The following CXXC1 variants were observed in gnomAD, a reference collection of about 807,000 sequenced individuals.
CXXC1 encodes CXXC-type zinc finger protein 1.
A neutral mutation model predicts 83.6 loss-of-function variants in CXXC1; 21 were observed. The ratio of observed to expected loss-of-function variants is 0.25; its 90% CI spans 0.18 to 0.36. The LOEUF (loss-of-function observed/expected upper bound fraction) is 0.36. Among genes scored for constraint, CXXC1 ranks in the 10% least tolerant of loss-of-function variants. The probability of loss-of-function intolerance (pLI) is 1.00; values close to 1 mark genes in which losing one functional copy is unlikely to be tolerated. For synonymous variants in CXXC1, 371 were observed against 337.5 expected (o/e 1.10, Z -1.09); for missense variants, 688 against 919.5 (o/e 0.75, Z 3.26).
At chr18:50,287,404 G>GC (rs768759886) in intron 1 of CXXC1, 183 bp downstream of exon 1, 18 of 672,968 alleles carry the variant, frequency 2.7e-5, no homozygotes, top group South Asian at 2.1e-4. Flanking sequence ...CTATTAAGGA[G>GC]CCCCCCACCG....
Position 50,285,421 on chromosome 18 carries a change from C to A in CXXC1, c.640-70G>T. 5 of 1,521,138 alleles carry A rather than the reference C, an allele frequency of 3.3e-6. No individual in the cohort carries two copies. The highest frequency in any genetic ancestry group is 4.4e-6 in the Non-Finnish European group (5 of 1,135,440). The allele number at this position is 1,521,138 out of a possible 1,614,324, so 94.2% of individuals were successfully genotyped here. ...AGGGCGGCCTTGCCCTAGCCCTACC[C>A]ACCTGGCCTGGCCTTACCTCCCCAG... is the stretch of plus-strand genomic sequence containing the variant. On this transcript the variant is annotated intron_variant, in intron 5 of 14. Transcript: ENST00000285106. The surrounding 1 kb of genome is among the most constrained non-coding windows in gnomAD (Gnocchi z 4.4).
rs749945152 is a variant in CXXC1, at chr18:50,285,282, C to A, written c.667-35G>T. 1 of 1,611,872 alleles carries A rather than the reference C, an allele frequency of 6.2e-7. No individual in the cohort carries two copies. Among genetic ancestry groups the A allele is most frequent in the Non-Finnish European group, 8.5e-7 (1 of 1,178,368 alleles). Reference sequence around the variant, plus strand: ...AGAATCTCAGGACTGGCCCTGACCGCCCTGCCCGCATGCCCCACCCCACCC... The same window carrying A: ...AGAATCTCAGGACTGGCCCTGACCGACCTGCCCGCATGCCCCACCCCACCC... On this transcript the variant is annotated intron_variant, in intron 6 of 14. Transcript: ENST00000285106. The surrounding 1 kb of genome is among the most constrained non-coding windows in gnomAD (Gnocchi z 4.4).
Position 50,282,766 on chromosome 18 carries a change from A to C in CXXC1, c.1825-27T>G, listed in dbSNP as rs1264803414. The C allele has an allele frequency of 1.2e-6, 2 of 1,612,524 alleles. No individual in the cohort carries two copies. The highest frequency in any genetic ancestry group is 1.7e-6 in the Non-Finnish European group (2 of 1,179,084). ...TGCCAAGGGAGCGGCAGGAGTCCTA[A>C]GCAGGAACACCTGCAGCCCCGCCTG... is the stretch of plus-strand genomic sequence containing the variant. On this transcript the variant is annotated intron_variant, in intron 14 of 14. Transcript: ENST00000285106. This position sits in a 1 kb window ranked among gnomAD's most constrained non-coding sequence, Gnocchi z 5.8.
chr18:50,286,973 T>C (rs1023530072), intron 1 of CXXC1, 115 bp from the exon 2 acceptor site: 1 of 768,858 alleles, frequency 1.3e-6, no homozygotes, highest in African/African-American at 1.7e-5. Flanking sequence ...AGATTTCACA[T>C]CGGGGCCCCC....
At chr18:50,284,661 A>T (rs1017329096) in intron 8 of CXXC1, 71 bp downstream of exon 8, 61 of 1,609,360 alleles carry the variant, frequency 3.8e-5, no homozygotes, top group Non-Finnish European at 4.7e-5. Flanking sequence ...TGCCCCATTC[A>T]GCCTCTGACC....
At chr18:50,287,156 A>T (rs2040727794) in intron 1 of CXXC1, 2 of 506,830 alleles carry the variant, frequency 3.9e-6, no homozygotes, top group African/African-American at 1.9e-5. Context: ...CGCGTAACTC[A>T]CTGCGGACTT....
intron 3 of CXXC1, 108 bp from the exon 4 acceptor site, chr18:50,286,365 G>A: frequency 8.7e-7 from 1 of 1,151,512 alleles, no homozygotes; most frequent in Admixed American, 2.0e-5. Flanking sequence ...CACCTACTCT[G>A]CACCCCTGTC....
Position 50,286,731 on chromosome 18 carries a change from C to G in CXXC1, c.122+9G>C, listed in dbSNP as rs148452357. The G allele has an allele frequency of 6.2e-7, 1 of 1,612,426 alleles. No individual in the cohort carries two copies. Among genetic ancestry groups the G allele is most frequent in the Admixed American group, 1.7e-5 (1 of 60,034 alleles). ...CAGTGTCAGCCCCGCCCATCTCTCC[C>G]GCGCTCACATCATGAAGCAGTTGAT... is the stretch of plus-strand genomic sequence containing the variant. On this transcript the variant is annotated intron_variant, in intron 2 of 14. Coordinates refer to ENST00000285106, the MANE Select transcript of CXXC1 (RefSeq NM_014593.4).
In CXXC1 at chr18:50,283,194, G is replaced by A. The variant is rs138236260; in HGVS notation, c.1671+71C>T. On this transcript the variant is annotated intron_variant, in intron 13 of 14. Coordinates refer to ENST00000285106, the MANE Select transcript of CXXC1 (RefSeq NM_014593.4). ...AGTGAAGGAAAAGTGAGGTGAGGAAGGAAGGGATGAATGTGGGACAGCGAG... is the reference window on the plus strand; with the variant it reads ...AGTGAAGGAAAAGTGAGGTGAGGAAAGAAGGGATGAATGTGGGACAGCGAG... The A allele has an allele frequency of 6.8e-4, 925 of 1,370,148 alleles. 9 individuals are homozygous for A. The African/African-American group carries it at 0.011, about 17-fold the overall frequency. 84.9% of individuals were successfully genotyped at this position (1,370,148 alleles called of 1,614,324 possible).
rs752404156 is a variant in CXXC1, at chr18:50,285,085, C to T, written c.829G>A (p.Glu277Lys). 1.2e-6 allele frequency: 2 copies of T among 1,614,238 alleles called. No homozygotes were observed. The highest frequency in any genetic ancestry group is 1.7e-6 in the Non-Finnish European group (2 of 1,180,046). Reference protein sequence around the residue: ...KEPPEATATPEPLSDEDLPLD... With the variant: ...KEPPEATATPKPLSDEDLPLD... ...GGTAGGTCCTCATCTGAGAGTGGCT[C>T]AGGTGTGGCTGTAGCCTCAGGAGGC... The change falls in exon 7 of 15, where the codon GAG becomes AAG. Residue 277 changes from glutamate (E) to lysine (K), a missense_variant. Glu to Lys is a moderately conservative substitution (Grantham distance 56, BLOSUM62 1). This residue lies in a region of CXXC1 where 190 missense variants were observed against 199.7 expected (regional missense o/e 0.95). Coordinates refer to ENST00000285106, the MANE Select transcript of CXXC1 (RefSeq NM_014593.4). This position sits in a 1 kb window ranked among gnomAD's most constrained non-coding sequence, Gnocchi z 4.4.
At position 50,285,156 on chromosome 18, in the gene CXXC1, C is replaced by T. The variant is rs777125163; in HGVS notation, c.758G>A (p.Arg253His). 1.1e-5 allele frequency: 17 copies of T among 1,614,124 alleles called. No homozygotes were observed. Among genetic ancestry groups the T allele is most frequent in the Middle Eastern group, 1.6e-4 (1 of 6,084 alleles). The change falls in exon 7 of 15, where the codon CGC becomes CAC. Residue 253 changes from arginine to histidine, a missense_variant. Physicochemically the swap from Arg to His is conservative, Grantham distance 29 (BLOSUM62 0). Around this residue, in one of 9 missense-constraint regions of CXXC1, gnomAD observed 190 missense variants for 199.7 expected, o/e 0.95. Coordinates refer to ENST00000285106, the MANE Select transcript of CXXC1 (RefSeq NM_014593.4). This position sits in a 1 kb window ranked among gnomAD's most constrained non-coding sequence, Gnocchi z 4.4. ...QQPQPSQKLG[R>H]IREDEGAVAS... ...CACTGCCCCCTCATCTTCACGGATG[C>T]GCCCTAACTTCTGTGATGGCTGTGG...
intron 13 of CXXC1, 79 bp from the exon 14 acceptor site, chr18:50,283,085 A>G (rs984036282): frequency 6.6e-7 from 1 of 1,518,344 alleles, no homozygotes; most frequent in Non-Finnish European, 9.1e-7. Flanking sequence ...GGGAGAAGGA[A>G]AAGAATGGAG....
In CXXC1 at chr18:50,285,052, G is replaced by T. The variant is rs1010668074; in HGVS notation, c.862C>A (p.Pro288Thr). ...GCACAGAAGTCCTGATACAGGTCAGGATCCAGAGGTAGGTCCTCATCTGAG... is the reference window on the plus strand; with the variant it reads ...GCACAGAAGTCCTGATACAGGTCAGTATCCAGAGGTAGGTCCTCATCTGAG... ...PLSDEDLPLD[P>T]DLYQDFCAGA... Residue 288 changes from proline (P) to threonine (T), a missense_variant, in exon 7 of 15, where the codon CCT becomes ACT. By Grantham distance (38) the Pro-to-Thr change is conservative. Around this residue, in one of 9 missense-constraint regions of CXXC1, gnomAD observed 190 missense variants for 199.7 expected, o/e 0.95. Coordinates refer to ENST00000285106, the MANE Select transcript of CXXC1 (RefSeq NM_014593.4). This position sits in a 1 kb window ranked among gnomAD's most constrained non-coding sequence, Gnocchi z 4.4. 1 of 1,614,246 alleles carries T rather than the reference G, an allele frequency of 6.2e-7. No homozygotes were observed.
chr18:50,283,347 A>G lies in CXXC1; in HGVS notation c.1589T>C (p.Phe530Ser). The G allele has an allele frequency of 6.2e-7, 1 of 1,613,992 alleles. No homozygotes were observed. The highest frequency in any genetic ancestry group is 8.5e-7 in the Non-Finnish European group (1 of 1,179,944). The stretch of plus-strand genomic sequence containing the variant: ...GCTCTGAGGATTATACACATCACAG[A>G]AGAGTCGTGTGGCCCTGGGGATTTG... Reference protein sequence around the residue: ...PTRIEGATRLFCDVYNPQSKT... With the variant: ...PTRIEGATRLSCDVYNPQSKT... The change falls in exon 13 of 15, where the codon TTC (phenylalanine) becomes TCC (serine). Residue 530 changes from phenylalanine to serine, a missense_variant. Coordinates refer to ENST00000285106, the MANE Select transcript of CXXC1 (RefSeq NM_014593.4).
rs573597480 is a variant in CXXC1, at chr18:50,287,037, C to G, written c.4-179G>C. The G allele has an allele frequency of 2.7e-4, 165 of 607,642 alleles. No individual in the cohort carries two copies. In the African/African-American group the frequency reaches 2.9e-3, roughly 11 times the overall value. 37.6% of individuals were successfully genotyped at this position (607,642 alleles called of 1,614,324 possible). On this transcript the variant is annotated intron_variant, in intron 1 of 14. Transcript: ENST00000285106. The stretch of plus-strand genomic sequence containing the variant: ...GACCCCCATCCCTTCCTCTGACATC[C>G]TATTACTCTGCTCCATACTTCCCAT...
In CXXC1 at chr18:50,283,835, C is replaced by T. The variant is rs1365262073; in HGVS notation, c.1414-20G>A. 1.2e-6 allele frequency: 2 copies of T among 1,613,936 alleles called. No individual in the cohort carries two copies. Among genetic ancestry groups the T allele is most frequent in the East Asian group, 2.2e-5 (1 of 44,888 alleles). ...GTTGCTCTGCATGGAATGGAAGGAACAATAAGGCTGGGAAGGACAAAGTAC... is the reference window on the plus strand; with the variant it reads ...GTTGCTCTGCATGGAATGGAAGGAATAATAAGGCTGGGAAGGACAAAGTAC... On this transcript the variant is annotated intron_variant, in intron 10 of 14. Coordinates refer to ENST00000285106, the MANE Select transcript of CXXC1 (RefSeq NM_014593.4).
chr18:50,287,144 C>G, intron 1 of CXXC1: 1 of 526,480 alleles, frequency 1.9e-6, no homozygotes, highest in Non-Finnish European at 3.4e-6. Flanking sequence ...CCTCACAGAC[C>G]CCGCGTAACT....
Position 50,282,793 on chromosome 18 carries a change from C to G in CXXC1, c.1825-54G>C. On this transcript the variant is annotated intron_variant, in intron 14 of 14. Transcript: ENST00000285106. This position sits in a 1 kb window ranked among gnomAD's most constrained non-coding sequence, Gnocchi z 5.8. ...CAGGAACACCTGCAGCCCCGCCTGC[C>G]CCGGCCACGTCCGACATGGAAACCT... 6.2e-7 allele frequency: 1 copy of G among 1,611,958 alleles called. No individual in the cohort carries two copies.
At chr18:50,286,448 C>T (rs544349239) in intron 3 of CXXC1, 91 bp downstream of exon 3, 8 of 1,165,212 alleles carry the variant, frequency 6.9e-6, no homozygotes, top group East Asian at 4.7e-5. Context: ...TCACCACAGA[C>T]GTGTATCACT....
Sources: allele counts gnomAD v4.1 joint callset, GRCh38; gene constraint gnomAD v4.1.1; regional missense constraint gnomAD v4.1.1; non-coding constraint Gnocchi (gnomAD v3.1); transcripts MANE v1.5; gene names NCBI Gene and HGNC (gene_info 2026-07-23, HGNC 2026-07-21).